GRID2: variants seen among roughly 807,000 people sequenced by gnomAD.
The protein encoded by GRID2 is glutamate receptor ionotropic, delta-2.
Under a neutral mutation model 114.8 loss-of-function variants are expected in GRID2, and 33 were observed. That is an observed-to-expected ratio of 0.29 (90% CI 0.22 to 0.38). The LOEUF is 0.38. Ranked by LOEUF, GRID2 falls within the 10% of genes least tolerant of loss-of-function variation. The pLI is 1.00. For synonymous variants in GRID2, 505 were observed against 449.9 expected (o/e 1.12, Z -1.55); for missense variants, 1,184 against 1,257.7 (o/e 0.94, Z 0.89).
chr4:92,956,163 C>G (rs1383937406), intron 2 of GRID2, among the ~76,000 whole-genome samples: 2 of 152,022 alleles, frequency 1.3e-5, no homozygotes, highest in African/African-American at 4.8e-5. Context: ...ATTAATATAC[C>G]ATCTGTCATT....
Position 93,725,886 on chromosome 4 carries a change from C to G in GRID2, c.2361-43324C>G, listed in dbSNP as rs1729833301. Among the ~76,000 whole-genome samples, 4 of 152,148 alleles carry G rather than the reference C, an allele frequency of 2.6e-5. No individual in the cohort carries two copies. The South Asian group carries it at 8.3e-4, about 32-fold the overall frequency. On this transcript the variant is annotated intron_variant, in intron 14 of 15. Transcript: ENST00000282020. The stretch of plus-strand genomic sequence containing the variant: ...TCATTGTAGATTCTGGATATTAGCC[C>G]TTTGTCAGATGATTAGGTTGCAAAA...
chr4:93,740,438 C>T (rs931048520), intron 14 of GRID2, among the ~76,000 whole-genome samples: 1 of 152,160 alleles, frequency 6.6e-6, no homozygotes, highest in African/African-American at 2.4e-5. Flanking sequence ...TTCTACAATC[C>T]GGTTAGACTT....
intron 14 of GRID2, among the ~76,000 whole-genome samples, chr4:93,733,834 A>G (rs1331201966): frequency 6.6e-6 from 1 of 152,140 alleles, no homozygotes; most frequent in Admixed American, 6.5e-5. Context: ...TAAGGTTTTC[A>G]GAACTAAATG....
intron 2 of GRID2, among the ~76,000 whole-genome samples, chr4:92,807,804 T>C (rs1740488908): frequency 6.6e-6 from 1 of 151,962 alleles, no homozygotes; most frequent in African/African-American, 2.4e-5. Flanking sequence ...CCCACATGTT[T>C]ATGTGTGTGT....
intron 2 of GRID2, among the ~76,000 whole-genome samples, chr4:92,613,438 C>T (rs899224519): frequency 6.6e-6 from 1 of 151,432 alleles, no homozygotes; most frequent in Non-Finnish European, 1.5e-5. Flanking sequence ...TTCAAAATAA[C>T]TTGGGAAGTC....
At chr4:93,484,510 C>T (rs929222837) in intron 11 of GRID2, among the ~76,000 whole-genome samples, 9 of 151,790 alleles carry the variant, frequency 5.9e-5, no homozygotes, top group African/African-American at 2.2e-4. Flanking sequence ...GAGCAAAGAG[C>T]CATTCAGGAA....
Position 93,257,989 on chromosome 4 carries a change from TATATATATATACACAC to T in GRID2, c.1245+19501_1245+19516del, listed in dbSNP as rs1158101045. Among the ~76,000 whole-genome samples the T allele has an allele frequency of 4.7e-3, 608 of 130,744 alleles. 6 individuals carry two copies. The highest frequency in any genetic ancestry group is 8.8e-3 in the African/African-American group (251 of 28,632). The allele number at this position is 130,744 out of a possible 152,430, so 85.8% of individuals were successfully genotyped here. The stretch of plus-strand genomic sequence containing the variant: ...CACAATATGTGTGTGTATATATATA[TATATATATATACACAC>T]ACACACACACACACACACACACAAT... On this transcript the variant is annotated intron_variant, in intron 8 of 15. Transcript: ENST00000282020.
At chr4:93,358,126 A>AT (rs1201745004) in intron 8 of GRID2, among the ~76,000 whole-genome samples, 1 of 151,838 alleles carries the variant, frequency 6.6e-6, no homozygotes, top group African/African-American at 2.4e-5. Flanking sequence ...TCTTCAAAGT[A>AT]TTTCTTCTTC....
chr4:92,800,595 C>A (rs1042739719), intron 2 of GRID2, among the ~76,000 whole-genome samples: 5 of 151,938 alleles, frequency 3.3e-5, no homozygotes, highest in African/African-American at 7.2e-5. Flanking sequence ...CTGTTTACAG[C>A]CAGTTGGAAC....
At chr4:92,687,182 A>ATT (rs146395858) in intron 2 of GRID2, among the ~76,000 whole-genome samples, 16 of 142,822 alleles carry the variant, frequency 1.1e-4, no homozygotes, top group Admixed American at 1.4e-4. Flanking sequence ...GATTTTTTTG[A>ATT]TTTTTTTTTT....
chr4:92,736,947 G>T (rs1736629482), intron 2 of GRID2, among the ~76,000 whole-genome samples: 2 of 152,092 alleles, frequency 1.3e-5, no homozygotes. Flanking sequence ...CTTGGAGAGG[G>T]ACAGAGAGGA....
intron 1 of GRID2, among the ~76,000 whole-genome samples, chr4:92,522,599 G>A (rs1043839108): frequency 6.6e-6 from 1 of 151,926 alleles, no homozygotes; most frequent in African/African-American, 2.4e-5. Context: ...CTCCAGCAAC[G>A]CTGCTAGTAG....
intron 1 of GRID2, among the ~76,000 whole-genome samples, chr4:93,791,871 C>T (rs1020604094): frequency 2.6e-5 from 4 of 152,086 alleles, no homozygotes; most frequent in Admixed American, 2.6e-4. Context: ...AAGTCTCAGC[C>T]CTCTTTTGAA....
At chr4:93,550,266 AT>A (rs962232908) in intron 13 of GRID2, among the ~76,000 whole-genome samples, 11 of 152,038 alleles carry the variant, frequency 7.2e-5, no homozygotes, top group African/African-American at 2.4e-4. Flanking sequence ...TTTAAATCTA[AT>A]TTTTTAAACT....
chr4:92,714,062 A>G (rs1226877545), intron 2 of GRID2, among the ~76,000 whole-genome samples: 1 of 152,136 alleles, frequency 6.6e-6, no homozygotes. Context: ...AGTCCCTTCC[A>G]CCTATCAGCC....
intron 2 of GRID2, among the ~76,000 whole-genome samples, chr4:92,612,383 A>G (rs1729797917): frequency 6.6e-6 from 1 of 151,460 alleles, no homozygotes; most frequent in South Asian, 2.1e-4. Flanking sequence ...CTTGAACTGT[A>G]AGTTTTCCAA....
chr4:93,403,118 T>A lies in GRID2; in HGVS notation c.1347+7410T>A, dbSNP rs1337845515. Among the ~76,000 whole-genome samples, 4 of 152,260 alleles carry A rather than the reference T, an allele frequency of 2.6e-5. No homozygotes were observed. The East Asian group carries it at 7.7e-4, about 29-fold the overall frequency. On this transcript the variant is annotated intron_variant, in intron 9 of 15. Coordinates refer to ENST00000282020, the MANE Select transcript of GRID2 (RefSeq NM_001510.4). ...CAAGCTCTGGTGGCTCCCACAGCAA[T>A]GTCTTACGAGGGCTCCTTCGGAGGA... is the stretch of plus-strand genomic sequence containing the variant.
chr4:92,737,253 CT>C (rs1344219613), intron 2 of GRID2, among the ~76,000 whole-genome samples: 2 of 151,992 alleles, frequency 1.3e-5, no homozygotes, highest in African/African-American at 4.8e-5. Context: ...GTAAAAGCTA[CT>C]TTTTAAGTAT....
chr4:93,060,643 A>G (rs1328807145), intron 2 of GRID2, among the ~76,000 whole-genome samples: 4 of 152,312 alleles, frequency 2.6e-5, no homozygotes, highest in South Asian at 4.1e-4. Context: ...TAATTCTACA[A>G]TATGTGACTT....
Sources: gnomAD v4.1 joint callset for allele counts (sites outside exome capture counted in the v4.1 genomes callset) on GRCh38, gnomAD v4.1.1 for gene constraint, MANE v1.5 for transcripts, NCBI Gene and HGNC (gene_info 2026-07-23, HGNC 2026-07-21) for gene names.